TTN: variants seen among roughly 807,000 people sequenced by gnomAD.
The protein encoded by TTN is titin.
Under a neutral mutation model 3,223.0 loss-of-function variants are expected in TTN, and 1,525 were observed. The observed-to-expected ratio is 0.47, with a 90% CI of 0.45 to 0.49. The LOEUF (loss-of-function observed/expected upper bound fraction) is 0.49. Among genes scored for constraint, TTN ranks in the 20% least tolerant of loss-of-function variants. The pLI, the probability that TTN is intolerant of heterozygous loss-of-function variation, is 0.00. For synonymous variants in TTN, 14,094 were observed against 15,161.0 expected (o/e 0.93, Z 5.17); for missense variants, 40,786 against 43,424.0 (o/e 0.94, Z 5.40).
In TTN at chr2:178,535,356, A is replaced by G; in HGVS notation, c.101259T>C (p.Phe33753=). Residue 33753 remains phenylalanine (F), a synonymous_variant, in exon 358 of 363, where the codon TTT becomes TTC. Coordinates refer to ENST00000589042, the MANE Select transcript of TTN (RefSeq NM_001267550.2). ...CCCGGAACTGGTAACTTGTTTTTCC[A>G]AATAAGTTGATCACGGTATAACGTG... ...RETRYTVINL[F]GKTSYQFRVI... is the part of the protein sequence containing the mutation. 6.2e-7 allele frequency: 1 copy of G among 1,613,882 alleles called. No homozygotes were observed. Among genetic ancestry groups the G allele is most frequent in the Non-Finnish European group, 8.5e-7 (1 of 1,179,830 alleles).
rs377184630 is a variant in TTN, at chr2:178,587,152, A to G, written c.64059T>C (p.Asp21353=). ...VNEYGPGVPT[D]VPKPVLASDP... Reference sequence around the variant, plus strand: ...CTGATGCAAGCACTGGTTTTGGGACATCTGTTGGGACGCCAGGGCCATATT... The same window carrying G: ...CTGATGCAAGCACTGGTTTTGGGACGTCTGTTGGGACGCCAGGGCCATATT... The change falls in exon 307 of 363, where the codon GAT becomes GAC. Residue 21353 remains aspartate, a synonymous_variant. Coordinates refer to ENST00000589042, the MANE Select transcript of TTN (RefSeq NM_001267550.2). 22 of 1,613,240 alleles carry G rather than the reference A, an allele frequency of 1.4e-5. No individual in the cohort carries two copies. The African/African-American group carries it at 2.9e-4, about 22-fold the overall frequency.
In TTN at chr2:178,748,786, T is replaced by G. The variant is rs139344272; in HGVS notation, c.11311+4338A>C. The G allele has an allele frequency of 2.1e-4, 336 of 1,612,338 alleles. No homozygotes were observed. The East Asian group carries it at 5.6e-3, about 27-fold the overall frequency. On this transcript the variant is annotated intron_variant, in intron 47 of 362. Transcript: ENST00000589042. ...CTTGTGCGTCAAATTCTTTATGAGTTTGAGAGGAAAGCAGCTTTAAATTTA... is the reference window on the plus strand; with the variant it reads ...CTTGTGCGTCAAATTCTTTATGAGTGTGAGAGGAAAGCAGCTTTAAATTTA...
chr2:178,587,749 C>T lies in TTN; in HGVS notation c.63560G>A (p.Arg21187Lys). Residue 21187 changes from arginine to lysine, a missense_variant, in exon 306 of 363, where the codon AGA (arginine) becomes AAA (lysine). Arg to Lys is a conservative substitution (Grantham distance 26). Coordinates refer to ENST00000589042, the MANE Select transcript of TTN (RefSeq NM_001267550.2). ...DASMRKLVIV[R>K]AGCPIRLFAI... Reference sequence around the variant, plus strand: ...AAAGAGACGAATAGGGCATCCTGCTCTCACTATGACCAGTTTCCTCATGCT... The same window carrying T: ...AAAGAGACGAATAGGGCATCCTGCTTTCACTATGACCAGTTTCCTCATGCT... 4 of 1,612,030 alleles carry T rather than the reference C, an allele frequency of 2.5e-6. No homozygotes were observed. The highest frequency in any genetic ancestry group is 3.4e-6 in the Non-Finnish European group (4 of 1,178,860).
At chr2:178,713,614 A>T in intron 92 of TTN, 1 of 692,006 alleles carries the variant, frequency 1.4e-6, no homozygotes, top group Non-Finnish European at 2.3e-6. Flanking sequence ...GTGAAGAATT[A>T]TGTGGTGAAT....
At chr2:178,624,872 T>C in intron 241 of TTN, 141 bp from the exon 242 acceptor site, 1 of 924,566 alleles carries the variant, frequency 1.1e-6, no homozygotes, top group Non-Finnish European at 1.6e-6. Flanking sequence ...CTCAGACATT[T>C]TCCTCTAAAA....
intron 350 of TTN, 152 bp downstream of exon 350, chr2:178,541,130 G>A (rs1049696880): frequency 3.1e-5 from 23 of 738,174 alleles, no homozygotes; most frequent in Admixed American, 3.6e-5. Context: ...GGAACTTTAC[G>A]GGGTAATAAA....
chr2:178,619,957 C>T lies in TTN; in HGVS notation c.46429+31G>A, dbSNP rs1165706064. 5 of 1,600,472 alleles carry T rather than the reference C, an allele frequency of 3.1e-6. No individual in the cohort carries two copies. The African/African-American group carries it at 5.4e-5, about 17-fold the overall frequency. On this transcript the variant is annotated intron_variant, in intron 249 of 362. Coordinates refer to ENST00000589042, the MANE Select transcript of TTN (RefSeq NM_001267550.2). The stretch of plus-strand genomic sequence containing the variant: ...ATTAACAATTTTAAAAAATTGGTAA[C>T]ATTAGAATTGTTTTTTCACTTAATA...
In TTN at chr2:178,570,553, T is replaced by A; in HGVS notation, c.75579A>T (p.Arg25193Ser). ...ILKAKNVAGE[R>S]SVTVNVKVLD... is the part of the protein sequence containing the mutation. Reference sequence around the variant, plus strand: ...GAACCTTGACATTCACAGTAACTGATCTTTCTCCTGCAACATTTTTGGCCT... The same window carrying A: ...GAACCTTGACATTCACAGTAACTGAACTTTCTCCTGCAACATTTTTGGCCT... Residue 25193 changes from arginine to serine, a missense_variant, in exon 326 of 363, where the codon AGA becomes AGT. Coordinates refer to ENST00000589042, the MANE Select transcript of TTN (RefSeq NM_001267550.2). The A allele has an allele frequency of 6.2e-7, 1 of 1,613,358 alleles. No homozygotes were observed. The highest frequency in any genetic ancestry group is 8.5e-7 in the Non-Finnish European group (1 of 1,179,610).
Position 178,573,680 on chromosome 2 carries a change from C to T in TTN, c.72452G>A (p.Gly24151Glu). 1.3e-6 allele frequency: 2 copies of T among 1,519,228 alleles called. No homozygotes were observed. The highest frequency in any genetic ancestry group is 1.8e-4 in the Middle Eastern group (1 of 5,614). The allele number at this position is 1,519,228 out of a possible 1,614,324, so 94.1% of individuals were successfully genotyped here. A position where few individuals can be genotyped will look rare whatever the true frequency, so the allele number is the denominator to read the frequency against. Residue 24151 changes from glycine (G) to glutamate (E), a missense_variant, in exon 326 of 363, where the codon GGA becomes GAA. Transcript: ENST00000589042. Reference protein sequence around the residue: ...VLSWFPPLDDGGAKIDHYIVQ... With the variant: ...VLSWFPPLDDEGAKIDHYIVQ... ...TATGTAATGATCAATTTTGGCACCT[C>T]CATCATCCAGTGGAGGGAACCATGA...
chr2:178,596,421 A>G (rs1448418983), intron 294 of TTN, among the ~76,000 whole-genome samples: 1 of 152,048 alleles, frequency 6.6e-6, no homozygotes, highest in African/African-American at 2.4e-5. Context: ...GGAGGCAAGC[A>G]TGCAGAGGGA....
chr2:178,719,170 C>G lies in TTN; in HGVS notation c.24220G>C (p.Val8074Leu). 2 of 1,610,836 alleles carry G rather than the reference C, an allele frequency of 1.2e-6. No homozygotes were observed. Among genetic ancestry groups the G allele is most frequent in the South Asian group, 1.1e-5 (1 of 90,830 alleles). The stretch of plus-strand genomic sequence containing the variant: ...TTTATCCTTGCACACTGACCTTGCA[C>G]AGTCAGGACTGCTGAGCACTCATCG... ...GSDECSAVLT[V>L]QEPPSFEQTP... The change falls in exon 83 of 363, where the codon GTG (valine) becomes CTG (leucine). Residue 8074 changes from valine to leucine, a missense_variant. Coordinates refer to ENST00000589042, the MANE Select transcript of TTN (RefSeq NM_001267550.2).
Position 178,565,654 on chromosome 2 carries a change from T to G in TTN, c.80478A>C (p.Lys26826Asn), listed in dbSNP as rs1318267898. 8 of 1,613,582 alleles carry G rather than the reference T, an allele frequency of 5.0e-6. No homozygotes were observed. Among genetic ancestry groups the G allele is most frequent in the Non-Finnish European group, 6.8e-6 (8 of 1,179,618 alleles). ...CTTTGGATTCAGCCACAATGCTCCA[T>G]TTTTCAGTTCCTTTGGGCTGCATTT... The part of the protein sequence containing the change: ...VVEMQPKGTE[K>N]WSIVAESKVC... The change falls in exon 326 of 363, where the codon AAA (lysine) becomes AAC (asparagine). Residue 26826 changes from lysine (K) to asparagine (N), a missense_variant. By Grantham distance (94) the Lys-to-Asn change is moderately conservative. Coordinates refer to ENST00000589042, the MANE Select transcript of TTN (RefSeq NM_001267550.2).
Position 178,712,019 on chromosome 2 carries a change from C to T in TTN, c.27811G>A (p.Asp9271Asn). ...GCTTTGCAGATATATTCTCCACTAT[C>T]ATTAATATCAACCTGGTTGAAAACC... ...TLVFNQVDIN[D>N]SGEYICKAEN... The change falls in exon 96 of 363, where the codon GAT (aspartate) becomes AAT (asparagine). Residue 9271 changes from aspartate (D) to asparagine (N), a missense_variant. Coordinates refer to ENST00000589042, the MANE Select transcript of TTN (RefSeq NM_001267550.2). 1 of 1,613,772 alleles carries T rather than the reference C, an allele frequency of 6.2e-7. No individual in the cohort carries two copies. The highest frequency in any genetic ancestry group is 8.5e-7 in the Non-Finnish European group (1 of 1,179,742).
chr2:178,758,040 C>G (rs779457782), intron 44 of TTN, 124 bp from the exon 45 acceptor site: 1 of 1,047,574 alleles, frequency 9.5e-7, no homozygotes, highest in South Asian at 2.0e-5. Context: ...CTCCTACTGC[C>G]TTGTCCTTGT....
chr2:178,680,386 A>T, intron 138 of TTN, 55 bp from the exon 139 acceptor site: 2 of 1,453,050 alleles, frequency 1.4e-6, no homozygotes, highest in Non-Finnish European at 9.5e-7. Flanking sequence ...CACCCAGCCA[A>T]TGCTTGTTTT....
intron 126 of TTN, 129 bp downstream of exon 126, chr2:178,688,548 T>A: frequency 1.4e-6 from 1 of 715,292 alleles, no homozygotes; most frequent in African/African-American, 1.8e-5. Context: ...GTAGACACAT[T>A]CTAATACCAA....
chr2:178,803,371 G>T (rs2094159083), intron 2 of TTN, among the ~76,000 whole-genome samples: 1 of 152,042 alleles, frequency 6.6e-6, no homozygotes, highest in Non-Finnish European at 1.5e-5. Flanking sequence ...GAAGTCATAT[G>T]TGTTCTGCTC....
chr2:178,734,795 A>G lies in TTN; in HGVS notation c.15129T>C (p.Asp5043=), dbSNP rs2081155591. The G allele has an allele frequency of 3.1e-6, 5 of 1,613,836 alleles. No homozygotes were observed. The highest frequency in any genetic ancestry group is 4.2e-6 in the Non-Finnish European group (5 of 1,179,784). ...VNSEAILDIT[D]VKVEDSGSYS... is the part of the protein sequence containing the mutation. ...AACTCCCACTGTCTTCAACTTTTACATCCGTAATATCAAGTATAGCCTCAG... is the reference window on the plus strand; with the variant it reads ...AACTCCCACTGTCTTCAACTTTTACGTCCGTAATATCAAGTATAGCCTCAG... Residue 5043 remains aspartate, a synonymous_variant, in exon 51 of 363, where the codon GAT becomes GAC. Transcript: ENST00000589042.
rs1185562018 is a variant in TTN, at chr2:178,793,451, C to A, written c.1489G>T (p.Glu497Ter). ...KEQELKSRTK[E>*]VITTKQEQMH... Reference sequence around the variant, plus strand: ...TGCTCTTGCTTTGTGGTAATTACTTCTTTGGTTCTTGATTTTAATTCTTGT... The same window carrying A: ...TGCTCTTGCTTTGTGGTAATTACTTATTTGGTTCTTGATTTTAATTCTTGT... Residue 497 changes from glutamate (E) to a stop codon, truncating the protein, a stop_gained, in exon 9 of 363, where the codon GAA becomes TAA. Transcript: ENST00000589042. LOFTEE classifies it high-confidence loss of function. 6.2e-7 allele frequency: 1 copy of A among 1,614,032 alleles called. No homozygotes were observed. Among genetic ancestry groups the A allele is most frequent in the African/African-American group, 1.3e-5 (1 of 74,918 alleles).
Sources: gnomAD v4.1 joint callset for allele counts (sites outside exome capture counted in the v4.1 genomes callset) on GRCh38, gnomAD v4.1.1 for gene constraint, MANE v1.5 for transcripts, NCBI Gene and HGNC (gene_info 2026-07-23, HGNC 2026-07-21) for gene names.